ATR: variants seen among roughly 807,000 people sequenced by gnomAD.
ATR encodes serine/threonine-protein kinase ATR.
A neutral mutation model predicts 305.3 loss-of-function variants in ATR; 142 were observed. The observed-to-expected ratio is 0.47, with a 90% CI of 0.41 to 0.53. ATR has a LOEUF of 0.53. ATR is among the 20% of genes least tolerant of loss of function. ATR has a pLI of 0.00. For synonymous variants in ATR, 1,050 were observed against 1,068.1 expected, an observed-to-expected ratio of 0.98 and a Z score of 0.33; for missense variants, 2,135 against 3,133.1, an observed-to-expected ratio of 0.68 and a Z score of 7.60.
chr3:142,473,347 G>A (rs2071342855), intron 36 of ATR, among the ~76,000 whole-genome samples: 1 of 152,090 alleles, frequency 6.6e-6, no homozygotes, highest in Non-Finnish European at 1.5e-5. Flanking sequence ...ACCATTTATT[G>A]AAGAGACTGT....
intron 1 of ATR, 77 bp downstream of exon 1, chr3:142,578,568 AG>A: frequency 6.8e-7 from 1 of 1,471,770 alleles, no homozygotes; most frequent in Non-Finnish European, 9.3e-7. Flanking sequence ...ATAGCGCAGC[AG>A]GGGAGGGGAG....
intron 36 of ATR, 28 bp downstream of exon 36, chr3:142,485,112 T>C (rs764096305): frequency 1.2e-6 from 2 of 1,612,634 alleles, no homozygotes; most frequent in East Asian, 2.2e-5. Flanking sequence ...ACATATTTAA[T>C]CTGCAAACAT....
intron 24 of ATR, among the ~76,000 whole-genome samples, chr3:142,518,426 A>G (rs1413992402): frequency 6.6e-6 from 1 of 152,186 alleles, no homozygotes; most frequent in African/African-American, 2.4e-5. Flanking sequence ...CTGAGGCAGG[A>G]GAATCACTTG....
intron 40 of ATR, chr3:142,465,925 G>C (rs2071117778): frequency 4.8e-6 from 1 of 208,180 alleles, no homozygotes; most frequent in South Asian, 7.2e-5. Context: ...CAAATTGCTT[G>C]AGCCTAAGAG....
chr3:142,497,202 G>T lies in ATR; in HGVS notation c.5559-10C>A, dbSNP rs757326214. 19 of 1,613,116 alleles carry T rather than the reference G, an allele frequency of 1.2e-5. No individual in the cohort carries two copies. The highest frequency in any genetic ancestry group is 1.5e-5 in the Non-Finnish European group (18 of 1,179,290). The stretch of plus-strand genomic sequence containing the variant: ...ACATAACATGTGCAATCTGAAGATA[G>T]ATAGAGCCTATGTTAAAATGTTATC... On this transcript the variant is annotated splice_polypyrimidine_tract_variant and intron_variant, in intron 32 of 46. Transcript: ENST00000350721.
intron 39 of ATR, among the ~76,000 whole-genome samples, chr3:142,467,129 T>C (rs1028850501): frequency 2.0e-5 from 3 of 152,196 alleles, no homozygotes; most frequent in Non-Finnish European, 2.9e-5. Context: ...AAATAGTCTG[T>C]ATCTTTTCAT....
chr3:142,535,411 C>G (rs1370784483), intron 20 of ATR, among the ~76,000 whole-genome samples: 1 of 151,960 alleles, frequency 6.6e-6, no homozygotes, highest in South Asian at 2.1e-4. Context: ...ACTGTTAGAC[C>G]TGGAGAAAAA....
intron 21 of ATR, among the ~76,000 whole-genome samples, chr3:142,531,695 G>A (rs2033653819): frequency 6.6e-6 from 1 of 152,172 alleles, no homozygotes; most frequent in Non-Finnish European, 1.5e-5. Flanking sequence ...TTGCTATTGT[G>A]AATAGTGCTG....
chr3:142,506,635 C>G (rs150371872), intron 28 of ATR, among the ~76,000 whole-genome samples: 1 of 151,968 alleles, frequency 6.6e-6, no homozygotes, highest in African/African-American at 2.4e-5. Flanking sequence ...TGCAGTGAGC[C>G]GAGCTCGTGC....
chr3:142,515,540 T>C (rs1377051044), intron 24 of ATR, 25 bp from the exon 25 acceptor site: 26 of 1,587,522 alleles, frequency 1.6e-5, no homozygotes, highest in Middle Eastern at 3.6e-4. Flanking sequence ...ATTTGTTTAT[T>C]AAAAAGATAA....
chr3:142,552,495 C>A (rs914251638), intron 13 of ATR, among the ~76,000 whole-genome samples: 4 of 151,836 alleles, frequency 2.6e-5, no homozygotes, highest in African/African-American at 7.3e-5. Flanking sequence ...CATGGTGAAA[C>A]CTCATCTCTA....
intron 43 of ATR, 41 bp from the exon 44 acceptor site, chr3:142,459,152 T>C (rs2108260900): frequency 6.2e-7 from 1 of 1,613,108 alleles, no homozygotes; most frequent in Non-Finnish European, 8.5e-7. Flanking sequence ...CATATACATA[T>C]GAGGCCAATA....
chr3:142,455,925 G>A (rs1243006464), intron 45 of ATR, among the ~76,000 whole-genome samples: 1 of 152,190 alleles, frequency 6.6e-6, no homozygotes, highest in Non-Finnish European at 1.5e-5. Context: ...ATGTTTCAAA[G>A]GCCATCATCA....
chr3:142,496,338 G>GTATATATATATACATGTATATAT (rs2031643516), intron 34 of ATR, 23 bp downstream of exon 34: 1 of 837,022 alleles, frequency 1.2e-6, no homozygotes, highest in African/African-American at 2.6e-5. Context: ...ATATATATAT[G>GTATATATATATACATGTATATAT]ATGACATTTC....
At chr3:142,509,647 C>CA (rs2032445212) in intron 27 of ATR, among the ~76,000 whole-genome samples, 1 of 142,572 alleles carries the variant, frequency 7.0e-6, no homozygotes, top group Non-Finnish European at 1.5e-5. Context: ...GCCTCAATCT[C>CA]ACAGGCTCAA....
chr3:142,550,841 G>A (rs1255681772), intron 13 of ATR, among the ~76,000 whole-genome samples: 1 of 151,902 alleles, frequency 6.6e-6, no homozygotes, highest in African/African-American at 2.4e-5. Flanking sequence ...AGGCTGGAAT[G>A]CAGAGGTGCG....
At chr3:142,478,232 T>C (rs1433053155) in intron 36 of ATR, among the ~76,000 whole-genome samples, 1 of 152,240 alleles carries the variant, frequency 6.6e-6, no homozygotes, top group Non-Finnish European at 1.5e-5. Flanking sequence ...CATTTAGTGC[T>C]ATAAATTTCC....
At chr3:142,538,248 A>T (rs2033926627) in intron 19 of ATR, among the ~76,000 whole-genome samples, 1 of 152,192 alleles carries the variant, frequency 6.6e-6, no homozygotes, top group African/African-American at 2.4e-5. Context: ...AATTAATGAA[A>T]AGTAATTTTT....
intron 23 of ATR, among the ~76,000 whole-genome samples, chr3:142,520,822 C>T (rs1265098124): frequency 6.6e-6 from 1 of 152,092 alleles, no homozygotes; most frequent in African/African-American, 2.4e-5. Context: ...GAAGAAGCAA[C>T]TATTGATAGA....
Sources: allele counts gnomAD v4.1 joint callset (sites outside exome capture counted in the v4.1 genomes callset), GRCh38; gene constraint gnomAD v4.1.1; transcripts MANE v1.5; gene names NCBI Gene and HGNC (gene_info 2026-07-23, HGNC 2026-07-21).